The following LRRC69 variants were observed in gnomAD, a reference collection of about 807,000 sequenced individuals.
LRRC69 encodes leucine rich repeat containing 69.
Under a neutral mutation model 37.8 loss-of-function variants are expected in LRRC69, and 42 were observed. The observed-to-expected ratio is 1.11, with a 90% CI of 0.87 to 1.44. The LOEUF is 1.44. Ranked by LOEUF, LRRC69 falls within the 40% of genes most tolerant of loss-of-function variation. The pLI is 0.00. For missense variants in LRRC69, 357 were observed against 401.9 expected, an observed-to-expected ratio of 0.89 and a Z score of 0.96; for synonymous variants, 141 against 143.1, an observed-to-expected ratio of 0.99 and a Z score of 0.11.
chr8:91,193,069 T>G (rs1809529477), intron 6 of LRRC69, among the ~76,000 whole-genome samples: 2 of 147,798 alleles, frequency 1.4e-5, no homozygotes, highest in Non-Finnish European at 3.0e-5. Context: ...TACATATGGC[T>G]AGCCAGTTTT....
chr8:91,218,938 A>G (rs1476550495), exon 8 of LRRC69: 1 of 1,551,038 alleles, frequency 6.4e-7, no homozygotes. Context: ...CCAAGTATTA[A>G]TTTGTTCTTA....
intron 5 of LRRC69, among the ~76,000 whole-genome samples, chr8:91,136,306 G>T (rs374188988): frequency 6.6e-6 from 1 of 151,866 alleles, no homozygotes; most frequent in African/African-American, 2.4e-5. Flanking sequence ...ATAATGAGAA[G>T]TCCATCTATC....
chr8:91,111,894 A>T (rs1813415335), intron 1 of LRRC69, among the ~76,000 whole-genome samples: 1 of 151,922 alleles, frequency 6.6e-6, no homozygotes, highest in South Asian at 2.1e-4. Context: ...AAGTGAAAAA[A>T]ATAAAAAATA....
In LRRC69 at chr8:91,108,106, C is replaced by T. The variant is rs140998013; in HGVS notation, c.183+5262C>T. On this transcript the variant is annotated intron_variant, in intron 1 of 7. Coordinates refer to ENST00000448384, the Ensembl canonical transcript of LRRC69. The stretch of plus-strand genomic sequence containing the variant: ...GTGGCAAAGTTCCCCTTAAGCTGCT[C>T]ACATGTGCAGCTGACCAGGACAAAG... Among the ~76,000 whole-genome samples the T allele has an allele frequency of 1.6e-4, 25 of 152,144 alleles. No individual in the cohort carries two copies. The East Asian group carries it at 4.6e-3, about 28-fold the overall frequency.
intron 6 of LRRC69, 137 bp downstream of exon 6, chr8:91,189,760 T>C: frequency 2.0e-6 from 1 of 497,988 alleles, no homozygotes; most frequent in East Asian, 3.0e-5. Context: ...GTGGATCCTA[T>C]ACATAATCTT....
chr8:91,106,964 A>AT (rs1813325312), intron 1 of LRRC69, among the ~76,000 whole-genome samples: 1 of 149,118 alleles, frequency 6.7e-6, no homozygotes, highest in African/African-American at 2.5e-5. Context: ...GGCTAATTAA[A>AT]AAAATTTTTT....
intron 1 of LRRC69, among the ~76,000 whole-genome samples, chr8:91,112,165 A>G (rs77869850): frequency 0.011 from 1,600 of 152,104 alleles, 38 homozygotes; most frequent in African/African-American, 0.037. Flanking sequence ...TTCTGTGGCC[A>G]TTTTTCTCAT....
At chr8:91,185,457 G>T (rs1809392744) in intron 5 of LRRC69, among the ~76,000 whole-genome samples, 1 of 151,948 alleles carries the variant, frequency 6.6e-6, no homozygotes, top group Non-Finnish European at 1.5e-5. Flanking sequence ...CTCCCTCTAA[G>T]GATCTTCTCT....
chr8:91,128,742 T>G (rs1813760049), intron 3 of LRRC69, among the ~76,000 whole-genome samples: 1 of 152,068 alleles, frequency 6.6e-6, no homozygotes, highest in Non-Finnish European at 1.5e-5. Flanking sequence ...TTATTATTAT[T>G]GGTTGTTATT....
intron 4 of LRRC69, among the ~76,000 whole-genome samples, chr8:91,134,963 C>T (rs1160384999): frequency 6.6e-6 from 1 of 151,916 alleles, no homozygotes; most frequent in Non-Finnish European, 1.5e-5. Flanking sequence ...AAAAAGACAG[C>T]AACAAATATC....
At chr8:91,153,890 A>G (rs1808786236) in intron 5 of LRRC69, among the ~76,000 whole-genome samples, 1 of 151,910 alleles carries the variant, frequency 6.6e-6, no homozygotes. Flanking sequence ...AGATAGAGAC[A>G]TGAAAAATCC....
chr8:91,113,507 A>G (rs1319558510), intron 1 of LRRC69, among the ~76,000 whole-genome samples: 2 of 152,090 alleles, frequency 1.3e-5, no homozygotes, highest in Non-Finnish European at 2.9e-5. Flanking sequence ...TTAGATATCC[A>G]TATGGAAAAT....
intron 6 of LRRC69, among the ~76,000 whole-genome samples, chr8:91,196,942 T>A (rs1477347926): frequency 1.9e-4 from 29 of 152,070 alleles, no homozygotes; most frequent in Non-Finnish European, 4.4e-5. Context: ...TTCCAGTTTT[T>A]CTGTTCTGTT....
intron 5 of LRRC69, among the ~76,000 whole-genome samples, chr8:91,159,619 T>A (rs1447191277): frequency 2.6e-5 from 4 of 151,178 alleles, no homozygotes; most frequent in African/African-American, 7.3e-5. Flanking sequence ...AACATGCATT[T>A]GACAAATCAT....
intron 1 of LRRC69, among the ~76,000 whole-genome samples, chr8:91,121,262 G>C (rs1396434270): frequency 6.6e-6 from 1 of 152,038 alleles, no homozygotes; most frequent in Non-Finnish European, 1.5e-5. Flanking sequence ...CTGCTGTACA[G>C]ATGCCAGGAT....
intron 5 of LRRC69, among the ~76,000 whole-genome samples, chr8:91,141,853 G>A (rs561392173): frequency 2.0e-5 from 3 of 152,040 alleles, no homozygotes; most frequent in African/African-American, 7.2e-5. Flanking sequence ...GTGACCTGTT[G>A]CCTTCATAAC....
chr8:91,211,227 A>G (rs1809910343), intron 7 of LRRC69, among the ~76,000 whole-genome samples: 1 of 152,102 alleles, frequency 6.6e-6, no homozygotes, highest in Non-Finnish European at 1.5e-5. Flanking sequence ...TTGCTTTATA[A>G]AAACCATGGA....
At chr8:91,188,423 T>C (rs2130608380) in intron 5 of LRRC69, among the ~76,000 whole-genome samples, 1 of 152,310 alleles carries the variant, frequency 6.6e-6, no homozygotes, top group African/African-American at 2.4e-5. Context: ...GAGCTAATTT[T>C]GCACATCCCT....
At chr8:91,163,052 G>A (rs1808972222) in intron 5 of LRRC69, among the ~76,000 whole-genome samples, 1 of 151,058 alleles carries the variant, frequency 6.6e-6, no homozygotes, top group Non-Finnish European at 1.5e-5. Flanking sequence ...TCCAGATCAT[G>A]TTAAGTGTAG....
Sources: allele counts gnomAD v4.1 joint callset (sites outside exome capture counted in the v4.1 genomes callset), GRCh38; gene constraint gnomAD v4.1.1; transcripts MANE v1.5; gene names NCBI Gene and HGNC (gene_info 2026-07-23, HGNC 2026-07-21).